DNAH11: variants seen among roughly 807,000 people sequenced by gnomAD.
The protein encoded by DNAH11 is dynein axonemal heavy chain 11.
In DNAH11, 442 loss-of-function variants were observed where a neutral mutation model predicts 526.0. The ratio of observed to expected loss-of-function variants is 0.84; its 90% CI spans 0.78 to 0.91. The LOEUF (loss-of-function observed/expected upper bound fraction) is 0.91, where lower values mean the gene tolerates loss of function less well. DNAH11 is among the 40% of genes least tolerant of loss of function. The pLI is 0.00. For missense variants in DNAH11, 6,989 were observed against 5,448.7 expected (o/e 1.28, Z -8.90); for synonymous variants, 2,461 against 1,935.9 (o/e 1.27, Z -7.12).
intron 42 of DNAH11, among the ~76,000 whole-genome samples, chr7:21,713,482 A>G (rs1784537558): frequency 6.6e-6 from 1 of 152,056 alleles, no homozygotes; most frequent in African/African-American, 2.4e-5. Context: ...CTCTCCATTA[A>G]GGTTCTTTCC....
Position 21,854,437 on chromosome 7 carries a change from C to T in DNAH11, c.11184C>T (p.Leu3728=). The T allele has an allele frequency of 6.2e-7, 1 of 1,613,794 alleles. No individual in the cohort carries two copies. The highest frequency in any genetic ancestry group is 8.5e-7 in the Non-Finnish European group (1 of 1,179,820). ...ATGACCTCCAAAAAATCAACCCCCT[C>T]TACCAATTCTCTTTGAAGGTAATGC... ...VINDLQKINP[L]YQFSLKAFNV... Residue 3728 remains leucine, a synonymous_variant, in exon 68 of 82, where the codon CTC becomes CTT. Transcript: ENST00000409508.
intron 30 of DNAH11, among the ~76,000 whole-genome samples, chr7:21,674,471 A>G (rs12700293): frequency 0.72 from 108,872 of 151,900 alleles, 39,164 homozygotes; most frequent in Admixed American, 0.8. Flanking sequence ...AACAATTCCC[A>G]TGCCTCAGCC....
At chr7:21,591,051 C>G (rs756099064) in intron 13 of DNAH11, 29 bp downstream of exon 13, 19 of 1,416,894 alleles carry the variant, frequency 1.3e-5, no homozygotes, top group Non-Finnish European at 1.6e-5. Context: ...AAAAAAGATA[C>G]TAGGGCCTAT....
chr7:21,660,679 T>G, intron 30 of DNAH11, among the ~76,000 whole-genome samples: 1 of 74,938 alleles, frequency 1.3e-5, no homozygotes, highest in Non-Finnish European at 2.8e-5. Flanking sequence ...CTATTTACTA[T>G]CTTTTGTCTG....
chr7:21,869,790 T>C (rs375914068), intron 73 of DNAH11, among the ~76,000 whole-genome samples: 1 of 152,176 alleles, frequency 6.6e-6, no homozygotes, highest in Non-Finnish European at 1.5e-5. Context: ...GGGGTTTGAG[T>C]AGACAACTCC....
chr7:21,838,083 G>T (rs1169951031), intron 65 of DNAH11, among the ~76,000 whole-genome samples: 1 of 152,196 alleles, frequency 6.6e-6, no homozygotes, highest in Non-Finnish European at 1.5e-5. Context: ...TCTCAAAGCT[G>T]CTTGTGAGAT....
intron 28 of DNAH11, among the ~76,000 whole-genome samples, chr7:21,643,781 T>A (rs749489749): frequency 2.0e-5 from 3 of 152,158 alleles, no homozygotes; most frequent in Non-Finnish European, 2.9e-5. Context: ...ATAAAATACA[T>A]ACCTGGTTTC....
intron 54 of DNAH11, among the ~76,000 whole-genome samples, chr7:21,760,751 G>C (rs10281087): frequency 1.3e-5 from 2 of 151,862 alleles, no homozygotes; most frequent in Non-Finnish European, 2.9e-5. Context: ...CTGGTAGCTG[G>C]ATCTGCAGTG....
chr7:21,607,592 G>A, intron 20 of DNAH11, among the ~76,000 whole-genome samples: 1 of 151,862 alleles, frequency 6.6e-6, no homozygotes, highest in East Asian at 1.9e-4. Flanking sequence ...TTAATTCTCA[G>A]TCTCCCTATG....
At position 21,589,291 on chromosome 7, in the gene DNAH11, T is replaced by C. The variant is rs748133795; in HGVS notation, c.2057T>C (p.Ile686Thr). The C allele has an allele frequency of 1.9e-6, 3 of 1,610,616 alleles. No individual in the cohort carries two copies. Among genetic ancestry groups the C allele is most frequent in the South Asian group, 1.1e-5 (1 of 90,232 alleles). The part of the protein sequence containing the change: ...TTLLDQFESR[I>T]YNEWKSNVDE... ...TTGCTTGATCAATTTGAAAGTCGTA[T>C]CTATAATGAATGGAAAAGTAATGTG... Residue 686 changes from isoleucine to threonine, a missense_variant, in exon 12 of 82, where the codon ATC becomes ACC. Physicochemically the swap from Ile to Thr is moderately conservative, Grantham distance 89. Coordinates refer to ENST00000409508, the MANE Select transcript of DNAH11 (RefSeq NM_001277115.2).
intron 68 of DNAH11, among the ~76,000 whole-genome samples, chr7:21,860,920 A>C (rs549980503): frequency 6.6e-6 from 1 of 152,126 alleles, no homozygotes. Flanking sequence ...CCCTCATAAA[A>C]CCATCAGATC....
intron 65 of DNAH11, among the ~76,000 whole-genome samples, chr7:21,821,919 C>T (rs1359974929): frequency 6.6e-6 from 1 of 151,944 alleles, no homozygotes; most frequent in East Asian, 1.9e-4. Context: ...CTCCATGAGA[C>T]CCGATTTTTT....
intron 34 of DNAH11, among the ~76,000 whole-genome samples, chr7:21,687,951 A>T (rs968517349): frequency 6.6e-6 from 1 of 152,096 alleles, no homozygotes; most frequent in African/African-American, 2.4e-5. Flanking sequence ...AGTCCCAGTT[A>T]TTTTTGAGGC....
intron 3 of DNAH11, 64 bp from the exon 4 acceptor site, chr7:21,559,539 A>T: frequency 1.5e-6 from 2 of 1,304,394 alleles, no homozygotes; most frequent in Non-Finnish European, 2.1e-6. Flanking sequence ...AATAACTATT[A>T]AAGTCTATGT....
intron 73 of DNAH11, among the ~76,000 whole-genome samples, 170 bp downstream of exon 73, chr7:21,869,161 G>C (rs144368512): frequency 7.2e-5 from 11 of 152,346 alleles, no homozygotes; most frequent in Non-Finnish European, 1.2e-4. Flanking sequence ...GAGGGGCTCT[G>C]CGGACAGCGA....
intron 65 of DNAH11, among the ~76,000 whole-genome samples, chr7:21,833,718 TAAATA>T (rs908165889): frequency 7.2e-5 from 11 of 151,784 alleles, no homozygotes; most frequent in African/African-American, 9.7e-5. Context: ...TAAAAATAAA[TAAATA>T]AAATAAAAAA....
At chr7:21,571,678 TTTA>T (rs1783896324) in intron 7 of DNAH11, 125 bp from the exon 8 acceptor site, 1 of 668,426 alleles carries the variant, frequency 1.5e-6, no homozygotes, top group African/African-American at 1.8e-5. Flanking sequence ...CATGAAAATA[TTTA>T]TTTTCTGTCA....
intron 48 of DNAH11, among the ~76,000 whole-genome samples, chr7:21,740,015 G>C (rs536463632): frequency 1.3e-5 from 2 of 152,214 alleles, no homozygotes; most frequent in Admixed American, 1.3e-4. Flanking sequence ...AAAGTTCAGA[G>C]TTTACATCGG....
In DNAH11 at chr7:21,667,653, G is replaced by T. The variant is rs180989918; in HGVS notation, c.5328+8622G>T. ...ATATGATCCATTAACATGAGAGTTG[G>T]TTCTTTGAACAGACCAATAATACTG... is the stretch of plus-strand genomic sequence containing the variant. On this transcript the variant is annotated intron_variant, in intron 30 of 81. Transcript: ENST00000409508. 5.0e-3 allele frequency among the ~76,000 whole-genome samples: 766 copies of T among 152,178 alleles called. 2 individuals are homozygous for T. The highest frequency in any genetic ancestry group is 8.1e-3 in the Non-Finnish European group (549 of 68,006).
Sources: allele counts gnomAD v4.1 joint callset (sites outside exome capture counted in the v4.1 genomes callset), GRCh38; gene constraint gnomAD v4.1.1; transcripts MANE v1.5; gene names NCBI Gene and HGNC (gene_info 2026-07-23, HGNC 2026-07-21).